CDH13: variants seen among roughly 807,000 people sequenced by gnomAD.
CDH13 encodes the protein cadherin 13, also known as cadherin-13.
In CDH13, 24 loss-of-function variants were observed where a neutral mutation model predicts 63.8. The ratio of observed to expected loss-of-function variants is 0.38; its 90% CI spans 0.27 to 0.53. The LOEUF (loss-of-function observed/expected upper bound fraction) is 0.53, where lower values mean the gene tolerates loss of function less well. Ranked by LOEUF, CDH13 falls within the 20% of genes least tolerant of loss-of-function variation. CDH13 has a pLI of 0.85. For synonymous variants in CDH13, 503 were observed against 355.3 expected (o/e 1.42, Z -4.67); for missense variants, 1,049 against 903.1 (o/e 1.16, Z -2.07).
At chr16:82,633,337 G>C (rs1480446853) in intron 1 of CDH13, among the ~76,000 whole-genome samples, 1 of 152,182 alleles carries the variant, frequency 6.6e-6, no homozygotes, top group Non-Finnish European at 1.5e-5. Flanking sequence ...CTAATATTCA[G>C]CACCTTTGTA....
chr16:83,434,164 C>A (rs1267303048), intron 6 of CDH13, among the ~76,000 whole-genome samples: 2 of 152,140 alleles, frequency 1.3e-5, no homozygotes, highest in African/African-American at 2.4e-5. Flanking sequence ...TACCACCTTG[C>A]CGCTCAGGTT....
At chr16:83,043,788 T>G (rs1215100314) in intron 3 of CDH13, among the ~76,000 whole-genome samples, 1 of 151,512 alleles carries the variant, frequency 6.6e-6, no homozygotes, top group Non-Finnish European at 1.5e-5. Context: ...GGTCATGCCA[T>G]TGCACTCTAG....
intron 10 of CDH13, among the ~76,000 whole-genome samples, chr16:83,715,639 G>A (rs1381163740): frequency 6.6e-6 from 1 of 152,170 alleles, no homozygotes; most frequent in African/African-American, 2.4e-5. Context: ...GTGTCTTTGA[G>A]GGCTGTGTGT....
In CDH13 at chr16:83,563,397, G is replaced by A. The variant is rs190828775; in HGVS notation, c.961-39057G>A. Among the ~76,000 whole-genome samples, 8 of 152,278 alleles carry A rather than the reference G, an allele frequency of 5.3e-5. No homozygotes were observed. The East Asian group carries it at 1.4e-3, about 26-fold the overall frequency. On this transcript the variant is annotated intron_variant, in intron 7 of 13. Transcript: ENST00000567109. ...ACATGATAAAAATGTTTTTGAAGCT[G>A]TAATTTTACATCCTGAAAAAAGGTT...
At chr16:82,642,823 T>G (rs867232161) in intron 1 of CDH13, among the ~76,000 whole-genome samples, 3 of 152,220 alleles carry the variant, frequency 2.0e-5, no homozygotes, top group South Asian at 2.1e-4. Context: ...AGTGACTCTA[T>G]AAAATATCTT....
intron 7 of CDH13, among the ~76,000 whole-genome samples, chr16:83,544,472 C>A (rs1355805080): frequency 6.6e-6 from 1 of 152,096 alleles, no homozygotes; most frequent in Non-Finnish European, 1.5e-5. Context: ...CATAGCTTAG[C>A]CTACCCTACC....
At chr16:82,759,275 C>T (rs905900526) in intron 1 of CDH13, among the ~76,000 whole-genome samples, 4 of 152,166 alleles carry the variant, frequency 2.6e-5, no homozygotes, top group African/African-American at 9.7e-5. Flanking sequence ...TTTCACACCT[C>T]CTCACTTGTA....
rs796141597 is a variant in CDH13, at chr16:83,541,913, T to A, written c.960+55258T>A. Among the ~76,000 whole-genome samples, 18 of 152,340 alleles carry A rather than the reference T, an allele frequency of 1.2e-4. 1 individual carries two copies. Among genetic ancestry groups the A allele is most frequent in the African/African-American group, 4.3e-4 (18 of 41,590 alleles). On this transcript the variant is annotated intron_variant, in intron 7 of 13. Transcript: ENST00000567109. ...CAAGCCCCATGGGACAGAGGCTGTGTCTTTCTTATCCATCATTGTACCCAT... is the reference window on the plus strand; with the variant it reads ...CAAGCCCCATGGGACAGAGGCTGTGACTTTCTTATCCATCATTGTACCCAT...
At chr16:83,374,130 C>G (rs1444496365) in intron 6 of CDH13, among the ~76,000 whole-genome samples, 7 of 152,186 alleles carry the variant, frequency 4.6e-5, no homozygotes, top group Admixed American at 4.6e-4. Context: ...TGCTGCTGTT[C>G]CATAAAGCAA....
chr16:83,127,282 ATT>A (rs1399479062), intron 4 of CDH13, among the ~76,000 whole-genome samples: 4 of 152,182 alleles, frequency 2.6e-5, no homozygotes, highest in Non-Finnish European at 4.4e-5. Context: ...CCACTGGAAG[ATT>A]TCCCCAGAAG....
chr16:82,674,697 A>G (rs1913693573), intron 1 of CDH13, among the ~76,000 whole-genome samples: 1 of 152,306 alleles, frequency 6.6e-6, no homozygotes, highest in Non-Finnish European at 1.5e-5. Flanking sequence ...TCCTGTGCTA[A>G]CATTTTTTCC....
intron 1 of CDH13, among the ~76,000 whole-genome samples, chr16:82,761,017 C>CTTTTTTTTTGTTTTTTTT (rs2034821314): frequency 2.5e-5 from 1 of 40,452 alleles, no homozygotes; most frequent in Non-Finnish European, 4.6e-5. Context: ...TTCTTTCTTT[C>CTTTTTTTTTGTTTTTTTT]TTTTTTTTTT....
intron 3 of CDH13, among the ~76,000 whole-genome samples, chr16:83,100,333 G>A (rs965770203): frequency 6.6e-6 from 1 of 152,188 alleles, no homozygotes; most frequent in African/African-American, 2.4e-5. Flanking sequence ...AATAGGAAGT[G>A]TTGGGGATAC....
intron 3 of CDH13, among the ~76,000 whole-genome samples, chr16:83,093,450 C>G (rs2034030876): frequency 6.6e-6 from 1 of 151,600 alleles, no homozygotes; most frequent in Non-Finnish European, 1.5e-5. Context: ...TACTGAGTAG[C>G]TGGGATTATA....
intron 10 of CDH13, among the ~76,000 whole-genome samples, chr16:83,681,706 T>G (rs1328767991): frequency 1.3e-5 from 2 of 152,200 alleles, no homozygotes; most frequent in Non-Finnish European, 2.9e-5. Flanking sequence ...AAGAGGCTCA[T>G]TAATTATTTG....
At chr16:82,708,272 G>C (rs112535871) in intron 1 of CDH13, among the ~76,000 whole-genome samples, 5 of 152,338 alleles carry the variant, frequency 3.3e-5, no homozygotes, top group African/African-American at 1.2e-4. Context: ...GGCATGGCTT[G>C]CATTCTTCTG....
intron 2 of CDH13, among the ~76,000 whole-genome samples, chr16:82,966,022 G>A (rs1229256282): frequency 6.6e-6 from 1 of 152,210 alleles, no homozygotes; most frequent in Admixed American, 6.5e-5. Flanking sequence ...AAGCGTCTTG[G>A]CTAGCCTCAG....
chr16:83,110,457 C>T (rs2035003108), intron 3 of CDH13, among the ~76,000 whole-genome samples: 1 of 152,112 alleles, frequency 6.6e-6, no homozygotes. Flanking sequence ...GGAAAGTTCC[C>T]GAAGGGGTGC....
chr16:83,728,705 A>G (rs1038001630), intron 10 of CDH13, among the ~76,000 whole-genome samples: 29 of 152,300 alleles, frequency 1.9e-4, no homozygotes, highest in South Asian at 6.2e-4. Flanking sequence ...ATATGTTTAT[A>G]TATTAGGTTG....
Sources: allele counts gnomAD v4.1 joint callset (sites outside exome capture counted in the v4.1 genomes callset), GRCh38; gene constraint gnomAD v4.1.1; transcripts MANE v1.5; gene names NCBI Gene and HGNC (gene_info 2026-07-23, HGNC 2026-07-21).